The following ZC3H12B variants were observed in gnomAD, a reference collection of about 807,000 sequenced individuals.
ZC3H12B encodes the protein probable ribonuclease ZC3H12B.
Under a neutral mutation model 43.9 loss-of-function variants are expected in ZC3H12B, and 7 were observed. That is an observed-to-expected ratio of 0.16 (90% CI 0.09 to 0.30). The LOEUF (loss-of-function observed/expected upper bound fraction) is 0.30. Among genes scored for constraint, ZC3H12B ranks in the 10% least tolerant of loss-of-function variants. ZC3H12B has a pLI of 1.00. For missense variants in ZC3H12B, 475 were observed against 670.2 expected (o/e 0.71, Z 3.22); for synonymous variants, 222 against 241.7 (o/e 0.92, Z 0.76).
the ZC3H12B span, among the ~76,000 whole-genome samples, chrX:65,290,437 G>GA: frequency 9.1e-6 from 1 of 110,429 alleles, no homozygotes; most frequent in Non-Finnish European, 1.9e-5. Context: ...TGAGACTTCC[G>GA]AAAAAAGTAA....
chrX:65,251,533 A>G, the ZC3H12B span, among the ~76,000 whole-genome samples: 1 of 111,233 alleles, frequency 9.0e-6, no homozygotes, highest in Non-Finnish European at 1.9e-5. Flanking sequence ...CTTGGACCGT[A>G]TGGCCATTTT....
chrX:65,376,216 G>A (rs937761061), intron 2 of ZC3H12B, among the ~76,000 whole-genome samples: 2 of 112,289 alleles, frequency 1.8e-5, no homozygotes, highest in African/African-American at 3.2e-5. Flanking sequence ...CCTGTGGAGA[G>A]GATAGGGAAA....
At chrX:65,057,767 A>G in the ZC3H12B span, among the ~76,000 whole-genome samples, 3 of 111,517 alleles carry the variant, frequency 2.7e-5, no homozygotes, top group Non-Finnish European at 5.6e-5. Context: ...TATTTCTTGG[A>G]GGCTTTGTTC....
intron 3 of ZC3H12B, among the ~76,000 whole-genome samples, chrX:65,458,085 T>TAAAAA (rs59738258): frequency 6.1e-5 from 3 of 49,061 alleles, no homozygotes; most frequent in African/African-American, 1.8e-4. Context: ...AAAAAAAAAT[T>TAAAAA]AAAAAAAAAA....
At chrX:65,105,280 C>T in the ZC3H12B span, among the ~76,000 whole-genome samples, 1 of 110,310 alleles carries the variant, frequency 9.1e-6, no homozygotes, top group Non-Finnish European at 1.9e-5. Flanking sequence ...AGAGGGAGGG[C>T]ATTAGGACAA....
chrX:65,200,426 CT>C, the ZC3H12B span, among the ~76,000 whole-genome samples: 4,787 of 59,428 alleles, frequency 0.081, 238 homozygotes, highest in African/African-American at 0.3. Context: ...ATAGTTTCCT[CT>C]TTTTTTTTTT....
the ZC3H12B span, among the ~76,000 whole-genome samples, chrX:65,273,421 A>G: frequency 9.0e-6 from 1 of 111,500 alleles, no homozygotes; most frequent in Non-Finnish European, 1.9e-5. Flanking sequence ...AGAAAAAAAA[A>G]GGAAAAGAGT....
At chrX:65,167,383 T>C in the ZC3H12B span, among the ~76,000 whole-genome samples, 3 of 111,409 alleles carry the variant, frequency 2.7e-5, no homozygotes, top group East Asian at 8.5e-4. Flanking sequence ...GAGGGCTCTG[T>C]TCTGTTCTAT....
At chrX:65,285,115 T>A in the ZC3H12B span, among the ~76,000 whole-genome samples, 10 of 109,385 alleles carry the variant, frequency 9.1e-5, no homozygotes, top group Admixed American at 8.8e-4. Context: ...GAATAATTAT[T>A]ATTATTATTA....
chrX:65,062,433 T>C, the ZC3H12B span, among the ~76,000 whole-genome samples: 1 of 112,313 alleles, frequency 8.9e-6, no homozygotes, highest in East Asian at 2.8e-4. Flanking sequence ...TCCCCTTTGC[T>C]TGTTTTTGTC....
At chrX:65,063,145 C>G in the ZC3H12B span, among the ~76,000 whole-genome samples, 2 of 111,327 alleles carry the variant, frequency 1.8e-5, no homozygotes, top group Admixed American at 9.6e-5. Flanking sequence ...ATTTGAATAC[C>G]TTTTATTTCT....
At chrX:65,403,302 A>C (rs57208535) in intron 3 of ZC3H12B, among the ~76,000 whole-genome samples, 11,944 of 111,036 alleles carry the variant, frequency 0.11, 1,554 homozygotes, top group African/African-American at 0.36. Flanking sequence ...AAGAATATAA[A>C]ACAGTAAAGC....
the ZC3H12B span, among the ~76,000 whole-genome samples, chrX:65,130,711 C>T: frequency 9.0e-6 from 1 of 111,655 alleles, no homozygotes; most frequent in African/African-American, 3.3e-5. Flanking sequence ...GCCTGTGAGG[C>T]TGGAAGGAGA....
chrX:65,386,489 G>C (rs1291621508), intron 2 of ZC3H12B, among the ~76,000 whole-genome samples: 1 of 111,579 alleles, frequency 9.0e-6, no homozygotes, highest in Admixed American at 9.5e-5. Flanking sequence ...TATCAGTGGT[G>C]ATATCCCCTT....
At chrX:65,120,054 G>C in the ZC3H12B span, among the ~76,000 whole-genome samples, 1 of 111,979 alleles carries the variant, frequency 8.9e-6, no homozygotes, top group Non-Finnish European at 1.9e-5. Context: ...CTGTAGCCTT[G>C]TAGTATAGTT....
At chrX:65,346,552 T>A in the ZC3H12B span, among the ~76,000 whole-genome samples, 2 of 112,491 alleles carry the variant, frequency 1.8e-5, no homozygotes, top group East Asian at 5.6e-4. Context: ...TATCATTTTT[T>A]ACATTCTGTA....
chrX:65,116,312 C>A, the ZC3H12B span, among the ~76,000 whole-genome samples: 22 of 111,296 alleles, frequency 2.0e-4, no homozygotes, highest in South Asian at 7.5e-3. Context: ...GATGTCCTTT[C>A]TTCACTTTAC....
At chrX:65,402,497 A>G (rs1360404044) in intron 3 of ZC3H12B, among the ~76,000 whole-genome samples, 1 of 111,646 alleles carries the variant, frequency 9.0e-6, no homozygotes, top group Non-Finnish European at 1.9e-5. Context: ...AGTGGTTACA[A>G]CAGGCCTTGA....
the ZC3H12B span, among the ~76,000 whole-genome samples, chrX:65,151,829 T>G: frequency 8.9e-6 from 1 of 111,758 alleles, no homozygotes; most frequent in Non-Finnish European, 1.9e-5. Context: ...GCAAAAATCC[T>G]CAATAAAATA....
Sources: allele counts gnomAD v4.1 joint callset (sites outside exome capture counted in the v4.1 genomes callset), GRCh38; gene constraint gnomAD v4.1.1; transcripts MANE v1.5; gene names NCBI Gene and HGNC (gene_info 2026-07-23, HGNC 2026-07-21).